NRXN1: variants seen among roughly 807,000 people sequenced by gnomAD.
The protein encoded by NRXN1 is neurexin 1.
Under a neutral mutation model 150.9 loss-of-function variants are expected in NRXN1, and 39 were observed. The observed-to-expected ratio is 0.26, with a 90% CI of 0.20 to 0.34. The LOEUF is 0.34. NRXN1 is among the 10% of genes least tolerant of loss of function. The pLI is 1.00. For missense variants in NRXN1, 1,815 were observed against 1,949.9 expected, an observed-to-expected ratio of 0.93 and a Z score of 1.30; for synonymous variants, 924 against 757.0, an observed-to-expected ratio of 1.22 and a Z score of -3.62.
At chr2:50,042,280 C>T (rs980823353) in intron 21 of NRXN1, among the ~76,000 whole-genome samples, 2 of 152,130 alleles carry the variant, frequency 1.3e-5, no homozygotes, top group Admixed American at 1.3e-4. Flanking sequence ...CCCCATGTGC[C>T]ACGGGAGGGA....
At chr2:50,452,972 C>T (rs1342270707) in intron 17 of NRXN1, among the ~76,000 whole-genome samples, 2 of 152,092 alleles carry the variant, frequency 1.3e-5, no homozygotes, top group African/African-American at 2.4e-5. Context: ...ATATTGCCAG[C>T]CAATGGGAGA....
At chr2:50,742,767 G>A (rs1309586468) in intron 5 of NRXN1, among the ~76,000 whole-genome samples, 3 of 152,038 alleles carry the variant, frequency 2.0e-5, no homozygotes, top group African/African-American at 7.3e-5. Context: ...AATGGTAACT[G>A]CTACTATTAA....
intron 17 of NRXN1, among the ~76,000 whole-genome samples, chr2:50,367,595 GCCT>G (rs1205321052): frequency 6.6e-6 from 1 of 152,000 alleles, no homozygotes; most frequent in Admixed American, 6.6e-5. Context: ...TGGGCTTACT[GCCT>G]CCTCATCCTG....
chr2:50,940,091 T>C (rs1389810657), intron 2 of NRXN1, among the ~76,000 whole-genome samples: 1 of 152,178 alleles, frequency 6.6e-6, no homozygotes, highest in Non-Finnish European at 1.5e-5. Context: ...TTTAATTCTA[T>C]TTATGGCTCC....
intron 2 of NRXN1, among the ~76,000 whole-genome samples, chr2:50,932,910 T>C (rs187964646): frequency 6.6e-6 from 1 of 152,042 alleles, no homozygotes; most frequent in Non-Finnish European, 1.5e-5. Flanking sequence ...TTTTCTTAAT[T>C]GCATTTATTT....
chr2:50,972,005 G>C (rs1695075482), intron 2 of NRXN1, among the ~76,000 whole-genome samples: 2 of 151,788 alleles, frequency 1.3e-5, no homozygotes, highest in Admixed American at 6.6e-5. Context: ...ATTTCAGTAA[G>C]AGGGAAGAAG....
chr2:50,500,599 C>T (rs1045059873), intron 13 of NRXN1, among the ~76,000 whole-genome samples: 48 of 152,046 alleles, frequency 3.2e-4, no homozygotes, highest in African/African-American at 1.2e-3. Context: ...TTTTAATGTT[C>T]TAATGATTTA....
At position 50,805,141 on chromosome 2, in the gene NRXN1, C is replaced by T. The variant is rs143286764; in HGVS notation, c.832+116728G>A. Among the ~76,000 whole-genome samples the T allele has an allele frequency of 2.3e-3, 356 of 151,940 alleles. 1 individual carries two copies. Among genetic ancestry groups the T allele is most frequent in the African/African-American group, 8.3e-3 (343 of 41,444 alleles). On this transcript the variant is annotated intron_variant, in intron 5 of 22. Transcript: ENST00000401669. ...GGTAATATATGTGTTAGCTGTTATC[C>T]AAATGTATCTTTCATTGAATTAAAA...
chr2:50,620,360 G>A (rs1451489939), intron 7 of NRXN1, among the ~76,000 whole-genome samples, 177 bp from the exon 8 acceptor site: 1 of 151,976 alleles, frequency 6.6e-6, no homozygotes, highest in Non-Finnish European at 1.5e-5. Context: ...CCATTTTCAT[G>A]TCTGTTTGAG....
Position 50,570,011 on chromosome 2 carries a change from G to A in NRXN1, c.1321-16986C>T, listed in dbSNP as rs74874467. Among the ~76,000 whole-genome samples, 249 of 152,184 alleles carry A rather than the reference G, an allele frequency of 1.6e-3. 2 individuals are homozygous for A. Among genetic ancestry groups the A allele is most frequent in the African/African-American group, 5.9e-3 (245 of 41,510 alleles). On this transcript the variant is annotated intron_variant, in intron 8 of 22. Transcript: ENST00000401669. ...CAAGTAACTACTGTTGCCAATTAAC[G>A]CTGCTCATATACATGTGGATTTCTG...
chr2:50,896,392 T>C (rs1039587128), intron 5 of NRXN1, among the ~76,000 whole-genome samples: 2 of 152,170 alleles, frequency 1.3e-5, no homozygotes, highest in Admixed American at 1.3e-4. Context: ...CTTGTGGGGC[T>C]TATACTCTGC....
chr2:50,014,386 T>G (rs1287295740), intron 21 of NRXN1, among the ~76,000 whole-genome samples: 2 of 152,116 alleles, frequency 1.3e-5, no homozygotes, highest in Non-Finnish European at 2.9e-5. Flanking sequence ...CAGGATTTTG[T>G]AACCATGATG....
Position 50,925,829 on chromosome 2 carries a change from A to G in NRXN1, c.790+109T>C. ...GTGATACACAATCCAGAAACCAACA[A>G]ATGTTCAGAAAGAAGTTCAACTTAC... On this transcript the variant is annotated intron_variant, in intron 3 of 22. Coordinates refer to ENST00000401669, the MANE Select transcript of NRXN1 (RefSeq NM_001330078.2). 3 of 829,508 alleles carry G rather than the reference A, an allele frequency of 3.6e-6. No individual in the cohort carries two copies. The South Asian group carries it at 4.5e-5, about 12-fold the overall frequency. 51.4% of individuals were successfully genotyped at this position (829,508 alleles called of 1,614,324 possible). A position where few individuals can be genotyped will look rare whatever the true frequency, so the allele number is the denominator to read the frequency against.
intron 5 of NRXN1, chr2:50,916,697 T>C (rs1479098900): frequency 6.6e-6 from 1 of 151,654 alleles, no homozygotes; most frequent in Non-Finnish European, 1.5e-5. Flanking sequence ...TCTCTGAGGA[T>C]AAGTTAGTCT....
chr2:49,957,330 G>C (rs1396191013), intron 21 of NRXN1, among the ~76,000 whole-genome samples: 1 of 151,980 alleles, frequency 6.6e-6, no homozygotes, highest in African/African-American at 2.4e-5. Context: ...CACAGTAGCT[G>C]GTATATGGAA....
At chr2:50,965,429 G>T (rs968797275) in intron 2 of NRXN1, among the ~76,000 whole-genome samples, 4 of 150,950 alleles carry the variant, frequency 2.6e-5, no homozygotes, top group African/African-American at 9.7e-5. Context: ...AAAAAAATTA[G>T]GGGGAACATT....
At chr2:50,414,708 T>C (rs1311598686) in intron 17 of NRXN1, among the ~76,000 whole-genome samples, 1 of 152,124 alleles carries the variant, frequency 6.6e-6, no homozygotes, top group African/African-American at 2.4e-5. Context: ...AAAAATTTAA[T>C]GTATATACTA....
At chr2:50,980,945 C>G (rs1240806691) in intron 2 of NRXN1, among the ~76,000 whole-genome samples, 1 of 151,990 alleles carries the variant, frequency 6.6e-6, no homozygotes, top group Admixed American at 6.6e-5. Context: ...TTTAGGGCAA[C>G]AAATTGCCCT....
At chr2:50,917,479 T>C (rs1487571268) in intron 5 of NRXN1, 1 of 151,698 alleles carries the variant, frequency 6.6e-6, no homozygotes, top group Non-Finnish European at 1.5e-5. Flanking sequence ...ATAAAAATCA[T>C]GGAAACTGTG....
Sources: allele counts gnomAD v4.1 joint callset (sites outside exome capture counted in the v4.1 genomes callset), GRCh38; gene constraint gnomAD v4.1.1; transcripts MANE v1.5; gene names NCBI Gene and HGNC (gene_info 2026-07-23, HGNC 2026-07-21).